The following ENAH variants were observed in gnomAD, a reference collection of about 807,000 sequenced individuals.
The protein encoded by ENAH is protein enabled homolog.
A neutral mutation model predicts 78.7 loss-of-function variants in ENAH; 23 were observed. The observed-to-expected ratio is 0.29, with a 90% CI of 0.21 to 0.41. The LOEUF is 0.41. Among genes scored for constraint, ENAH ranks in the 10% least tolerant of loss-of-function variants. ENAH has a pLI of 1.00. For synonymous variants in ENAH, 226 were observed against 241.0 expected (o/e 0.94, Z 0.58); for missense variants, 544 against 691.0 (o/e 0.79, Z 2.39).
chr1:225,588,773 C>G (rs1050754046), intron 1 of ENAH, among the ~76,000 whole-genome samples: 1 of 141,952 alleles, frequency 7.0e-6, no homozygotes, highest in Admixed American at 7.3e-5. Flanking sequence ...CCACTGCACT[C>G]CAGCCTGGCA....
At chr1:225,583,280 A>G (rs1350784402) in intron 1 of ENAH, among the ~76,000 whole-genome samples, 1 of 151,860 alleles carries the variant, frequency 6.6e-6, no homozygotes, top group African/African-American at 2.4e-5. Flanking sequence ...CTACAAAAAT[A>G]CAAAAACTAG....
intron 2 of ENAH, among the ~76,000 whole-genome samples, chr1:225,561,356 G>T (rs1366700218): frequency 1.3e-5 from 2 of 151,994 alleles, no homozygotes; most frequent in Non-Finnish European, 2.9e-5. Context: ...GGGTGCAGTG[G>T]CTTACGCCTG....
rs368091768 is a variant in ENAH at position 225,630,082 on chromosome 1, AAC to A, written c.5+22602_5+22603del. 7.4e-4 allele frequency among the ~76,000 whole-genome samples: 113 copies of A among 152,332 alleles called. 2 individuals are homozygous for A. In the East Asian group the frequency reaches 0.016, roughly 22 times the overall value. Reference sequence around the variant, plus strand: ...AATATGTATAATTTCATATACAAATAACACAATATAAAATAACATAAACTGCA... The same window carrying A: ...AATATGTATAATTTCATATACAAATAACAATATAAAATAACATAAACTGCA... On this transcript the variant is annotated intron_variant, in intron 1 of 13. Coordinates refer to ENST00000366843, the MANE Select transcript of ENAH (RefSeq NM_018212.6).
At chr1:225,543,348 T>C (rs954157789) in intron 3 of ENAH, among the ~76,000 whole-genome samples, 2 of 152,240 alleles carry the variant, frequency 1.3e-5, no homozygotes, top group African/African-American at 4.8e-5. Context: ...ATTTGCAAAA[T>C]AAACTCCTTC....
chr1:225,586,092 C>T (rs975372105), intron 1 of ENAH, among the ~76,000 whole-genome samples: 32 of 151,502 alleles, frequency 2.1e-4, no homozygotes, highest in African/African-American at 7.0e-4. Context: ...TGCGTGCACC[C>T]GTAGTCCCAG....
At chr1:225,545,407 A>G (rs1288117699) in intron 3 of ENAH, among the ~76,000 whole-genome samples, 1 of 152,158 alleles carries the variant, frequency 6.6e-6, no homozygotes, top group Non-Finnish European at 1.5e-5. Flanking sequence ...GACCCTAAAG[A>G]GCTTTTGCTT....
chr1:225,553,104 A>G (rs2096649498), intron 3 of ENAH, among the ~76,000 whole-genome samples: 1 of 152,028 alleles, frequency 6.6e-6, no homozygotes, highest in Admixed American at 6.6e-5. Context: ...TGTGGTGGTG[A>G]GCACCGGTAA....
intron 11 of ENAH, among the ~76,000 whole-genome samples, chr1:225,506,687 T>TC (rs2096333371): frequency 6.6e-6 from 1 of 152,210 alleles, no homozygotes; most frequent in Non-Finnish European, 1.5e-5. Context: ...TGATCATCTT[T>TC]CAATCACTTA....
rs2096249353 is a variant in ENAH at position 225,496,272 on chromosome 1, CGT to C, written c.*1501_*1502del. On this transcript the variant is annotated 3_prime_UTR_variant, in exon 14 of 14. Transcript: ENST00000366843. ...GGGAGTGGCTTCCATATAGACAGCA[CGT>C]GCGCGAGAGCACACACACGCAGAGT... 6.6e-6 allele frequency: 1 copy of C among 152,288 alleles called. No individual in the cohort carries two copies. Among genetic ancestry groups the C allele is most frequent in the Non-Finnish European group, 1.5e-5 (1 of 68,042 alleles). The allele number at this position is 152,288 out of a possible 1,614,324, so 9.4% of individuals were successfully genotyped here.
chr1:225,626,115 G>GA (rs1558929557), intron 1 of ENAH, among the ~76,000 whole-genome samples: 3 of 151,794 alleles, frequency 2.0e-5, no homozygotes, highest in Non-Finnish European at 4.4e-5. Context: ...AGACTGCAGG[G>GA]AAAAAAAATA....
At chr1:225,642,154 T>C (rs1661185428) in intron 1 of ENAH, among the ~76,000 whole-genome samples, 1 of 145,718 alleles carries the variant, frequency 6.9e-6, no homozygotes, top group Non-Finnish European at 1.5e-5. Flanking sequence ...TGAGCCGAAA[T>C]CGCATGACTG....
chr1:225,631,090 C>A (rs1451586643), intron 1 of ENAH, among the ~76,000 whole-genome samples: 1 of 152,044 alleles, frequency 6.6e-6, no homozygotes, highest in East Asian at 1.9e-4. Flanking sequence ...AGCCCCAAAC[C>A]ACTTCTCTCA....
At chr1:225,624,778 G>A (rs1657640294) in intron 1 of ENAH, among the ~76,000 whole-genome samples, 1 of 152,104 alleles carries the variant, frequency 6.6e-6, no homozygotes, top group African/African-American at 2.4e-5. Context: ...CTATCCACCG[G>A]GGATGAAGAA....
intron 1 of ENAH, among the ~76,000 whole-genome samples, chr1:225,631,509 G>A (rs1001361395): frequency 6.6e-6 from 1 of 151,316 alleles, no homozygotes; most frequent in South Asian, 2.1e-4. Flanking sequence ...GGAAGGCGGA[G>A]GTTGCGGTGA....
chr1:225,497,845 T>C (rs1558700237), intron 13 of ENAH, 33 bp from the exon 14 acceptor site: 3 of 1,591,082 alleles, frequency 1.9e-6, no homozygotes, highest in Non-Finnish European at 1.7e-6. Context: ...TGAAAATAAA[T>C]ATAATGATAA....
chr1:225,584,354 A>G (rs1042633213), intron 1 of ENAH, among the ~76,000 whole-genome samples: 1 of 152,198 alleles, frequency 6.6e-6, no homozygotes, highest in Non-Finnish European at 1.5e-5. Context: ...ATTAACTCTA[A>G]GTAAATGGTA....
intron 1 of ENAH, among the ~76,000 whole-genome samples, chr1:225,642,417 G>C (rs576924321): frequency 1.3e-5 from 2 of 152,188 alleles, no homozygotes; most frequent in South Asian, 4.2e-4. Context: ...GTTGTCATGA[G>C]GAGGCTGCTA....
rs1398864977 is a variant in ENAH, at chr1:225,487,856, C to T, written c.*9919G>A. On this transcript the variant is annotated 3_prime_UTR_variant, in exon 14 of 14. Transcript: ENST00000366843. Reference sequence around the variant, plus strand: ...AGGTTATGGACTGTGACTATCCATCCTTTTGGACCATAAGAAATTCACTTT... The same window carrying T: ...AGGTTATGGACTGTGACTATCCATCTTTTTGGACCATAAGAAATTCACTTT... The T allele has an allele frequency of 6.6e-6, 1 of 152,098 alleles. No homozygotes were observed. Among genetic ancestry groups the T allele is most frequent in the Non-Finnish European group, 1.5e-5 (1 of 68,026 alleles). 9.4% of individuals were successfully genotyped at this position (152,098 alleles called of 1,614,324 possible). A position where few individuals can be genotyped will look rare whatever the true frequency, so the allele number is the denominator to read the frequency against.
intron 3 of ENAH, among the ~76,000 whole-genome samples, chr1:225,553,153 G>A (rs1173937250): frequency 6.6e-6 from 1 of 152,104 alleles, no homozygotes; most frequent in African/African-American, 2.4e-5. Flanking sequence ...AGAATCACTC[G>A]AACCCGGGAG....
Sources: gnomAD v4.1 joint callset for allele counts (sites outside exome capture counted in the v4.1 genomes callset) on GRCh38, gnomAD v4.1.1 for gene constraint, MANE v1.5 for transcripts, NCBI Gene and HGNC (gene_info 2026-07-23, HGNC 2026-07-21) for gene names.